The following DACH1 variants were observed in gnomAD, a reference collection of about 807,000 sequenced individuals.
DACH1 encodes the protein dachshund family transcription factor 1, also known as dachshund homolog 1.
DACH1 carries 12 observed loss-of-function variants against 54.2 expected under a neutral mutation model. The observed-to-expected ratio is 0.22, with a 90% confidence interval of 0.14 to 0.36. The LOEUF (loss-of-function observed/expected upper bound fraction) is 0.36. DACH1 is among the 10% of genes least tolerant of loss of function. The pLI is 1.00. For missense variants in DACH1, 805 were observed against 929.8 expected, an observed-to-expected ratio of 0.87 and a Z score of 1.75; for synonymous variants, 386 against 366.2, an observed-to-expected ratio of 1.05 and a Z score of -0.62.
chr13:71,535,015 C>G (rs1882665807), intron 6 of DACH1, among the ~76,000 whole-genome samples: 1 of 151,836 alleles, frequency 6.6e-6, no homozygotes, highest in South Asian at 2.1e-4. Context: ...TAGTGACTAT[C>G]TGACTCTTTA....
chr13:71,441,452 T>G (rs1310014146), intron 10 of DACH1, among the ~76,000 whole-genome samples: 1 of 152,068 alleles, frequency 6.6e-6, no homozygotes. Context: ...TTCTCAAATA[T>G]TTAATACCCT....
chr13:71,695,632 G>A (rs1420772592), intron 1 of DACH1, among the ~76,000 whole-genome samples: 6 of 152,212 alleles, frequency 3.9e-5, no homozygotes, highest in African/African-American at 1.4e-4. Context: ...AATGATGAGT[G>A]TGTCCAGGCC....
intron 10 of DACH1, among the ~76,000 whole-genome samples, chr13:71,457,194 T>C (rs1455892328): frequency 6.6e-6 from 1 of 152,032 alleles, no homozygotes; most frequent in Non-Finnish European, 1.5e-5. Context: ...TAAATTATTG[T>C]TGCTTTTTTG....
intron 3 of DACH1, among the ~76,000 whole-genome samples, chr13:71,611,091 C>T (rs1183135831): frequency 2.6e-5 from 4 of 152,070 alleles, no homozygotes; most frequent in South Asian, 2.1e-4. Flanking sequence ...AGCAGTCCCT[C>T]GGCACTTGTG....
chr13:71,688,086 T>C (rs1259458583), intron 1 of DACH1, among the ~76,000 whole-genome samples: 2 of 152,252 alleles, frequency 1.3e-5, no homozygotes, highest in Non-Finnish European at 2.9e-5. Context: ...ATTTGAGTTC[T>C]AAAATATCTG....
intron 6 of DACH1, among the ~76,000 whole-genome samples, chr13:71,510,768 A>T (rs1293836078): frequency 6.6e-6 from 1 of 151,902 alleles, no homozygotes; most frequent in Non-Finnish European, 1.5e-5. Context: ...GTTTTATCTC[A>T]TTTATGCCTT....
chr13:71,547,776 T>C (rs1029075440), intron 6 of DACH1, among the ~76,000 whole-genome samples: 25 of 152,154 alleles, frequency 1.6e-4, no homozygotes, highest in Admixed American at 5.9e-4. Context: ...CTATTTCATA[T>C]AAACTTCAAA....
rs552068566 is a variant in DACH1, at chr13:71,454,911, C to T, written c.2084-14219G>A. ...TTTGTTGTGACACTAATAGTCATTC[C>T]GTGATAGAAAAGATGTTCTGGTCAA... On this transcript the variant is annotated intron_variant, in intron 10 of 10. Transcript: ENST00000613252. 1.4e-4 allele frequency among the ~76,000 whole-genome samples: 21 copies of T among 152,256 alleles called. No individual in the cohort carries two copies. The South Asian group carries it at 2.5e-3, about 18-fold the overall frequency.
At chr13:71,808,093 C>G (rs993003444) in intron 1 of DACH1, among the ~76,000 whole-genome samples, 2 of 152,156 alleles carry the variant, frequency 1.3e-5, no homozygotes, top group Non-Finnish European at 1.5e-5. Context: ...ACCACCCAAC[C>G]TGGACCAACG....
intron 10 of DACH1, among the ~76,000 whole-genome samples, chr13:71,441,410 TAAAAC>T (rs1010088329): frequency 3.2e-4 from 49 of 152,046 alleles, no homozygotes; most frequent in African/African-American, 1.1e-3. Context: ...AAACCAAAAA[TAAAAC>T]AATAACAATA....
At chr13:71,598,666 T>C (rs1593961384) in intron 3 of DACH1, among the ~76,000 whole-genome samples, 2 of 152,248 alleles carry the variant, frequency 1.3e-5, no homozygotes, top group South Asian at 2.1e-4. Context: ...TGGGCCATGA[T>C]TGAGTTGCCA....
intron 4 of DACH1, among the ~76,000 whole-genome samples, chr13:71,561,026 G>T (rs1012305931): frequency 1.3e-5 from 2 of 152,142 alleles, no homozygotes; most frequent in African/African-American, 4.8e-5. Context: ...TTGGCCTGTA[G>T]GAGGCTAATG....
chr13:71,580,645 G>T (rs1194342038), intron 3 of DACH1, among the ~76,000 whole-genome samples: 1 of 152,092 alleles, frequency 6.6e-6, no homozygotes, highest in Non-Finnish European at 1.5e-5. Flanking sequence ...AAGTGAGATG[G>T]TATGTTTTGG....
Position 71,816,700 on chromosome 13 carries a change from A to G in DACH1, c.848+49222T>C, listed in dbSNP as rs530822050. Among the ~76,000 whole-genome samples, 1,204 of 150,778 alleles carry G rather than the reference A, an allele frequency of 8.0e-3. 13 individuals carry two copies. Among genetic ancestry groups the G allele is most frequent in the Non-Finnish European group, 0.014 (924 of 67,698 alleles). The stretch of plus-strand genomic sequence containing the variant: ...CACATATATATATACACATATATAT[A>G]TATACACACACCATAGAATACTATG... On this transcript the variant is annotated intron_variant, in intron 1 of 10. Coordinates refer to ENST00000613252, the MANE Select transcript of DACH1 (RefSeq NM_080759.6).
chr13:71,756,381 G>C (rs1885157793), intron 1 of DACH1, among the ~76,000 whole-genome samples: 1 of 151,662 alleles, frequency 6.6e-6, no homozygotes, highest in South Asian at 2.1e-4. Context: ...CCATCTACCA[G>C]GAATTCATTT....
intron 1 of DACH1, among the ~76,000 whole-genome samples, chr13:71,827,567 G>A (rs1001247728): frequency 6.6e-6 from 1 of 152,040 alleles, no homozygotes; most frequent in African/African-American, 2.4e-5. Flanking sequence ...GAACAAGGGA[G>A]TGAGGACTAC....
At chr13:71,716,255 G>A (rs1882960622) in intron 1 of DACH1, among the ~76,000 whole-genome samples, 1 of 151,762 alleles carries the variant, frequency 6.6e-6, no homozygotes, top group Non-Finnish European at 1.5e-5. Context: ...CTTCTCTCAG[G>A]TCCTCCTGTG....
intron 2 of DACH1, among the ~76,000 whole-genome samples, chr13:71,632,919 CA>C (rs1877215162): frequency 6.6e-6 from 1 of 152,124 alleles, no homozygotes; most frequent in African/African-American, 2.4e-5. Flanking sequence ...AAAGATGTTT[CA>C]GAAAATTTTC....
chr13:71,667,781 T>G (rs1213434338), intron 2 of DACH1, among the ~76,000 whole-genome samples: 1 of 152,136 alleles, frequency 6.6e-6, no homozygotes, highest in Non-Finnish European at 1.5e-5. Flanking sequence ...AGGTTAGGTA[T>G]GATGAGATGA....
Sources: allele counts gnomAD v4.1 joint callset (sites outside exome capture counted in the v4.1 genomes callset), GRCh38; gene constraint gnomAD v4.1.1; transcripts MANE v1.5; gene names NCBI Gene and HGNC (gene_info 2026-07-23, HGNC 2026-07-21).